The following KIAA1217 variants were observed in gnomAD, a reference collection of about 807,000 sequenced individuals.
KIAA1217 encodes sickle tail protein homolog.
In KIAA1217, 88 loss-of-function variants were observed where a neutral mutation model predicts 163.9. The ratio of observed to expected loss-of-function variants is 0.54; its 90% CI spans 0.45 to 0.64. The LOEUF is 0.64. Ranked by LOEUF, KIAA1217 falls within the 30% of genes least tolerant of loss-of-function variation. KIAA1217 has a pLI of 0.00. For missense variants in KIAA1217, 2,372 were observed against 2,475.0 expected (o/e 0.96, Z 0.88); for synonymous variants, 903 against 923.1 (o/e 0.98, Z 0.39).
At chr10:24,041,874 G>A (rs1340782926) in intron 2 of KIAA1217, among the ~76,000 whole-genome samples, 3 of 151,940 alleles carry the variant, frequency 2.0e-5, no homozygotes, top group Non-Finnish European at 2.9e-5. Flanking sequence ...TGAGTGGGTG[G>A]GATAATATTT....
At chr10:23,766,624 T>C (rs1483298328) in intron 1 of KIAA1217, among the ~76,000 whole-genome samples, 1 of 149,250 alleles carries the variant, frequency 6.7e-6, no homozygotes, top group African/African-American at 2.5e-5. Context: ...CGTCTCACTC[T>C]GTGACTCAGG....
At chr10:24,062,783 C>T (rs536548717) in intron 2 of KIAA1217, among the ~76,000 whole-genome samples, 1 of 152,168 alleles carries the variant, frequency 6.6e-6, no homozygotes, top group African/African-American at 2.4e-5. Context: ...TATTTCTCCA[C>T]ATCCTCTCCA....
intron 5 of KIAA1217, among the ~76,000 whole-genome samples, chr10:24,463,321 G>A (rs1356600102): frequency 1.3e-5 from 2 of 152,214 alleles, no homozygotes; most frequent in African/African-American, 4.8e-5. Flanking sequence ...GGAGGGCTCA[G>A]TAGAGTTCCT....
chr10:23,758,686 C>CTTTTT (rs34055872), intron 1 of KIAA1217, among the ~76,000 whole-genome samples: 3 of 59,850 alleles, frequency 5.0e-5, no homozygotes, highest in South Asian at 7.6e-4. Flanking sequence ...TTCTTTCTTT[C>CTTTTT]TTTTTTTTTT....
intron 1 of KIAA1217, among the ~76,000 whole-genome samples, chr10:23,807,010 A>G (rs1349977653): frequency 1.3e-5 from 2 of 152,196 alleles, no homozygotes; most frequent in Admixed American, 1.3e-4. Context: ...AAACTATAAC[A>G]GCTATCTCCT....
intron 2 of KIAA1217, among the ~76,000 whole-genome samples, chr10:24,299,767 T>C (rs915237496): frequency 1.3e-5 from 2 of 152,190 alleles, no homozygotes; most frequent in Non-Finnish European, 2.9e-5. Context: ...AGCCTGTGGA[T>C]GCTGGAGTGA....
chr10:24,518,541 C>A (rs1411641766), intron 10 of KIAA1217, among the ~76,000 whole-genome samples: 1 of 152,322 alleles, frequency 6.6e-6, no homozygotes, highest in East Asian at 1.9e-4. Flanking sequence ...TACGCACTGA[C>A]AGACATGTTG....
chr10:24,138,073 T>C (rs1182661819), intron 2 of KIAA1217, among the ~76,000 whole-genome samples: 1 of 152,192 alleles, frequency 6.6e-6, no homozygotes, highest in Non-Finnish European at 1.5e-5. Context: ...TAGCATAAGG[T>C]TCTTTCCAAC....
At chr10:24,257,640 C>G (rs535545645) in intron 2 of KIAA1217, among the ~76,000 whole-genome samples, 6 of 152,244 alleles carry the variant, frequency 3.9e-5, no homozygotes, top group African/African-American at 1.2e-4. Flanking sequence ...ATGTATCCAG[C>G]CTTCCCTAAA....
At chr10:23,911,435 A>T (rs370862575) in intron 1 of KIAA1217, among the ~76,000 whole-genome samples, 3 of 152,122 alleles carry the variant, frequency 2.0e-5, no homozygotes, top group African/African-American at 7.2e-5. Context: ...AATGCAAGCA[A>T]TTTCCCCTTC....
intron 1 of KIAA1217, among the ~76,000 whole-genome samples, chr10:23,966,871 T>G (rs1845086738): frequency 6.6e-6 from 1 of 152,158 alleles, no homozygotes; most frequent in Non-Finnish European, 1.5e-5. Context: ...TCACAGGCAG[T>G]TTTGGTTTTA....
upstream of KIAA1217, among the ~76,000 whole-genome samples, chr10:24,206,300 C>A (rs1196882878): frequency 6.6e-6 from 1 of 152,108 alleles, no homozygotes; most frequent in African/African-American, 2.4e-5. Flanking sequence ...TTTTTAAGCC[C>A]AGAAATTAAA....
rs575650413 is a variant in KIAA1217, at chr10:24,423,520, C to T, written c.554-9475C>T. Among the ~76,000 whole-genome samples the T allele has an allele frequency of 6.6e-5, 10 of 152,234 alleles. No homozygotes were observed. In the East Asian group the frequency reaches 1.9e-3, roughly 30 times the overall value. ...TGTCGCCCAGGCTGAAGTGCAGTGGCACCATCTCGGCTCACTGCAACCTCT... is the reference window on the plus strand; with the variant it reads ...TGTCGCCCAGGCTGAAGTGCAGTGGTACCATCTCGGCTCACTGCAACCTCT... On this transcript the variant is annotated intron_variant, in intron 3 of 20. Transcript: ENST00000376454.
At chr10:23,778,174 C>T (rs933372619) in intron 1 of KIAA1217, among the ~76,000 whole-genome samples, 6 of 151,948 alleles carry the variant, frequency 3.9e-5, no homozygotes, top group African/African-American at 1.2e-4. Flanking sequence ...CTCCTGACCT[C>T]GTGATTCCCC....
intron 6 of KIAA1217, among the ~76,000 whole-genome samples, chr10:24,484,318 C>T (rs1366252372): frequency 1.4e-5 from 2 of 139,786 alleles, no homozygotes; most frequent in Non-Finnish European, 3.0e-5. Context: ...GATCTCGGCT[C>T]ACTGCAACCT....
chr10:23,885,255 T>C, intron 1 of KIAA1217, among the ~76,000 whole-genome samples: 1 of 151,948 alleles, frequency 6.6e-6, no homozygotes, highest in Non-Finnish European at 1.5e-5. Context: ...CTTATATAGT[T>C]ACTGTGTGTG....
intron 6 of KIAA1217, among the ~76,000 whole-genome samples, chr10:24,475,452 A>G (rs1028478118): frequency 3.9e-5 from 6 of 152,204 alleles, no homozygotes; most frequent in African/African-American, 1.2e-4. Flanking sequence ...ATCCCTTCTT[A>G]CTTGTTCAGT....
At chr10:23,964,273 T>C (rs10741034) in intron 1 of KIAA1217, among the ~76,000 whole-genome samples, 68,664 of 150,888 alleles carry the variant, frequency 0.46, 20,463 homozygotes, top group African/African-American at 0.86. Context: ...TTATGTCTTT[T>C]GCCCACTTTT....
intron 1 of KIAA1217, among the ~76,000 whole-genome samples, chr10:23,775,785 C>T (rs1013587459): frequency 9.2e-5 from 14 of 152,236 alleles, no homozygotes; most frequent in African/African-American, 2.9e-4. Flanking sequence ...TAAAATGGGA[C>T]AAATCTGGAT....
Sources: allele counts gnomAD v4.1 joint callset (sites outside exome capture counted in the v4.1 genomes callset), GRCh38; gene constraint gnomAD v4.1.1; transcripts MANE v1.5; gene names NCBI Gene and HGNC (gene_info 2026-07-23, HGNC 2026-07-21).